Variants in PLEKHG5 observed in about 807,000 individuals in gnomAD.
PLEKHG5 encodes the protein pleckstrin homology domain-containing family G member 5.
A neutral mutation model predicts 103.8 loss-of-function variants in PLEKHG5; 52 were observed. The ratio of observed to expected loss-of-function variants is 0.50; its 90% confidence interval spans 0.40 to 0.63. PLEKHG5 has a LOEUF of 0.63. PLEKHG5 is among the 30% of genes least tolerant of loss of function. PLEKHG5 has a pLI of 0.00. For missense variants in PLEKHG5, 1,205 were observed against 1,347.6 expected (o/e 0.89, Z 1.66); for synonymous variants, 592 against 575.5 (o/e 1.03, Z -0.41).
rs753758765 is a variant in PLEKHG5 at position 6,469,608 on chromosome 1, C to T, written c.1869G>A (p.Arg623=). ...GCAGGGGTGGCCTGATGACCCTGGT[C>T]CTCTCTGCCTTCTTCACTGCTTTGG... The part of the protein sequence containing the change: ...LVTKAVKKAE[R]TRVIRPPLLV... Residue 623 remains arginine (R), a synonymous_variant, in exon 17 of 21, where the codon AGG becomes AGA. Transcript: ENST00000377728. 1.2e-6 allele frequency: 2 copies of T among 1,613,832 alleles called. No individual in the cohort carries two copies. The highest frequency in any genetic ancestry group is 3.3e-5 in the Admixed American group (2 of 60,026).
In PLEKHG5 at chr1:6,475,938, C is replaced by A. The variant is rs1644753835; in HGVS notation, c.142G>T (p.Gly48Cys). 6.2e-7 allele frequency: 1 copy of A among 1,613,410 alleles called. No individual in the cohort carries two copies. The highest frequency in any genetic ancestry group is 1.7e-5 in the Admixed American group (1 of 60,018). The part of the protein sequence containing the change: ...EEEEEESSVD[G>C]KGDRKSTGLK... ...CACTCATCCCTCACCTACCCTTTGC[C>A]ATCCACAGAGCTCTCCTCCTCCTCC... is the stretch of plus-strand genomic sequence containing the variant. The change falls in exon 3 of 21, where the codon GGC becomes TGC. Residue 48 changes from glycine to cysteine, a missense_variant. Physicochemically the swap from Gly to Cys is radical, Grantham distance 159 (BLOSUM62 -3). Transcript: ENST00000377728.
intron 1 of PLEKHG5, among the ~76,000 whole-genome samples, chr1:6,481,725 A>G (rs944653617): frequency 2.6e-4 from 39 of 151,324 alleles, no homozygotes; most frequent in Admixed American, 1.8e-3. Flanking sequence ...TTAGCCGGGC[A>G]TGGTGGCACA....
intron 1 of PLEKHG5, among the ~76,000 whole-genome samples, chr1:6,504,223 T>C (rs1176120402): frequency 6.6e-6 from 1 of 152,108 alleles, no homozygotes; most frequent in Non-Finnish European, 1.5e-5. Flanking sequence ...TCCAGGACAG[T>C]GCCCGGCTGA....
intron 1 of PLEKHG5, among the ~76,000 whole-genome samples, chr1:6,480,655 CT>C (rs201796437): frequency 0.15 from 21,738 of 145,704 alleles, 1,783 homozygotes; most frequent in African/African-American, 0.24. Context: ...GGGGGATTTC[CT>C]TTTTTTTTTT....
At chr1:6,485,400 C>G in intron 1 of PLEKHG5, 1 of 1,371,104 alleles carries the variant, frequency 7.3e-7, no homozygotes, top group Admixed American at 3.7e-5. Flanking sequence ...CGGGCCCGGC[C>G]TGGAGGCTGC....
chr1:6,475,215 C>T (rs1380719902), intron 4 of PLEKHG5, 77 bp from the exon 5 acceptor site: 7 of 531,574 alleles, frequency 1.3e-5, no homozygotes, highest in African/African-American at 3.0e-5. Context: ...CACCCTCCTT[C>T]CCACCCTCCT....
chr1:6,488,637 A>C (rs1645084328), intron 1 of PLEKHG5, among the ~76,000 whole-genome samples: 1 of 152,144 alleles, frequency 6.6e-6, no homozygotes. Context: ...CAGAGCAGAA[A>C]GGAGCCCCCA....
intron 8 of PLEKHG5, 24 bp downstream of exon 8, chr1:6,473,227 C>T: frequency 1.2e-6 from 2 of 1,612,664 alleles, no homozygotes; most frequent in Non-Finnish European, 1.7e-6. Context: ...AGCTGCCTGA[C>T]CCTGGGCAGA....
chr1:6,501,460 T>G (rs1645295917), upstream of PLEKHG5, among the ~76,000 whole-genome samples: 1 of 152,238 alleles, frequency 6.6e-6, no homozygotes, highest in Non-Finnish European at 1.5e-5. The surrounding 1 kb of genome is among the most constrained non-coding windows in gnomAD (Gnocchi z 4.3). Context: ...TCTTGAACCT[T>G]TGAACCAACA....
Position 6,470,601 on chromosome 1 carries a change from T to C in PLEKHG5, c.1585A>G (p.Met529Val). Residue 529 changes from methionine to valine, a missense_variant, in exon 15 of 21, where the codon ATG (methionine) becomes GTG (valine). Met to Val is a conservative substitution (Grantham distance 21). Transcript: ENST00000377728. Reference sequence around the variant, plus strand: ...CGCTGCCGCTCCTGCCGCTGCCGCATGCACGCGTTCACGTGGTGGATGAAG... The same window carrying C: ...CGCTGCCGCTCCTGCCGCTGCCGCACGCACGCGTTCACGTGGTGGATGAAG... ...ERFIHHVNAC[M>V]RQRQERQRLA... 1 of 1,601,332 alleles carries C rather than the reference T, an allele frequency of 6.2e-7. No homozygotes were observed.
At position 6,486,401 on chromosome 1, in the gene PLEKHG5, C is replaced by G. The variant is rs542027292; in HGVS notation, c.-88+5236G>C. On this transcript the variant is annotated intron_variant, in intron 1 of 20. Transcript: ENST00000377728. The surrounding 1 kb of genome is among the most constrained non-coding windows in gnomAD (Gnocchi z 5.3). Reference sequence around the variant, plus strand: ...CTCCCATCAACCTGGAGACCCCTGCCCGAGAGCCTGAGCCCCAGGGACACC... The same window carrying G: ...CTCCCATCAACCTGGAGACCCCTGCGCGAGAGCCTGAGCCCCAGGGACACC... Among the ~76,000 whole-genome samples, 1 of 152,132 alleles carries G rather than the reference C, an allele frequency of 6.6e-6. No individual in the cohort carries two copies. The highest frequency in any genetic ancestry group is 2.1e-4 in the South Asian group (1 of 4,804).
At chr1:6,516,705 T>A (rs1638623206) in intron 1 of PLEKHG5, among the ~76,000 whole-genome samples, 1 of 151,450 alleles carries the variant, frequency 6.6e-6, no homozygotes, top group Admixed American at 6.6e-5. Flanking sequence ...TATTGGCAAG[T>A]TTTTTGTACT....
At chr1:6,475,245 CCT>C (rs1644730273) in intron 4 of PLEKHG5, 107 bp from the exon 5 acceptor site, 2 of 704,048 alleles carry the variant, frequency 2.8e-6, no homozygotes, top group Non-Finnish European at 5.1e-6. Context: ...TCCTCCCCAC[CCT>C]CCTTCCCACC....
chr1:6,471,378 C>G, intron 12 of PLEKHG5, 110 bp downstream of exon 12: 1 of 1,286,522 alleles, frequency 7.8e-7, no homozygotes, highest in East Asian at 2.5e-5. Flanking sequence ...AGTGCGGTTA[C>G]GGGCCTGGGG....
intron 16 of PLEKHG5, 70 bp from the exon 17 acceptor site, chr1:6,469,746 T>TC: frequency 2.0e-6 from 3 of 1,520,382 alleles, no homozygotes; most frequent in Non-Finnish European, 2.7e-6. Context: ...GGCACCAGCC[T>TC]CCCCTGGGAG....
chr1:6,475,657 A>G (rs2148594494), intron 3 of PLEKHG5, 135 bp from the exon 4 acceptor site: 1 of 805,118 alleles, frequency 1.2e-6, no homozygotes, highest in East Asian at 2.5e-5. Flanking sequence ...CAACCCGGCC[A>G]GGCCCGCATA....
chr1:6,475,608 C>A, intron 3 of PLEKHG5, 86 bp from the exon 4 acceptor site: 1 of 1,136,874 alleles, frequency 8.8e-7, no homozygotes, highest in Non-Finnish European at 1.3e-6. Flanking sequence ...GCCTCCCCGC[C>A]CTTGGCTCAC....
chr1:6,506,819 T>C lies in PLEKHG5; in HGVS notation c.-164-10250A>G, dbSNP rs1424479770. ...CAGCCTGCCTGTGAGGTCTGGGCTC[T>C]GCTCTCTGGGCTCCCTTTCGGGGCT... On this transcript the variant is annotated intron_variant, in intron 1 of 21. Transcript: ENST00000377740. Among the ~76,000 whole-genome samples, 3 of 152,286 alleles carry C rather than the reference T, an allele frequency of 2.0e-5. No homozygotes were observed. The East Asian group carries it at 5.8e-4, about 30-fold the overall frequency.
At chr1:6,502,506 C>T (rs1328329324) in intron 1 of PLEKHG5, among the ~76,000 whole-genome samples, 2 of 152,198 alleles carry the variant, frequency 1.3e-5, no homozygotes, top group South Asian at 2.1e-4. Flanking sequence ...TCCTGGGGCC[C>T]AAGAAACTGT....
Sources: allele counts gnomAD v4.1 joint callset (sites outside exome capture counted in the v4.1 genomes callset), GRCh38; gene constraint gnomAD v4.1.1; non-coding constraint Gnocchi (gnomAD v3.1); transcripts MANE v1.5; gene names NCBI Gene and HGNC (gene_info 2026-07-23, HGNC 2026-07-21).